The following CSMD1 variants were observed in gnomAD, a reference collection of about 807,000 sequenced individuals.
CSMD1 encodes CUB and Sushi multiple domains 1.
A neutral mutation model predicts 417.5 loss-of-function variants in CSMD1; 213 were observed. That is an observed-to-expected ratio of 0.51 (90% CI 0.46 to 0.57). The LOEUF (loss-of-function observed/expected upper bound fraction) is 0.57, where lower values mean the gene tolerates loss of function less well. Among genes scored for constraint, CSMD1 ranks in the 20% least tolerant of loss-of-function variants. The probability of loss-of-function intolerance (pLI) is 0.00; values close to 1 mark genes in which losing one functional copy is unlikely to be tolerated. For synonymous variants in CSMD1, 2,862 were observed against 1,736.8 expected, an observed-to-expected ratio of 1.65 and a Z score of -16.11; for missense variants, 6,923 against 4,529.7, an observed-to-expected ratio of 1.53 and a Z score of -15.17.
At chr8:4,736,790 T>C (rs1168236782) in intron 1 of CSMD1, among the ~76,000 whole-genome samples, 1 of 152,202 alleles carries the variant, frequency 6.6e-6, no homozygotes, top group East Asian at 1.9e-4. Context: ...AACACTTTTG[T>C]ATAAACAAGT....
intron 5 of CSMD1, among the ~76,000 whole-genome samples, chr8:3,830,231 A>C (rs1424833404): frequency 1.3e-5 from 2 of 152,206 alleles, no homozygotes; most frequent in African/African-American, 4.8e-5. Context: ...AAATTTCTAA[A>C]GGTGATCATA....
In CSMD1 at chr8:3,622,287, T is replaced by C. The variant is rs1378099539; in HGVS notation, c.1010-5490A>G. Among the ~76,000 whole-genome samples the C allele has an allele frequency of 5.9e-5, 9 of 152,354 alleles. No homozygotes were observed. In the East Asian group the frequency reaches 1.7e-3, roughly 29 times the overall value. Reference sequence around the variant, plus strand: ...ACCTCAAGCAAAATCATTATTGCTGTGGCAAATTAAAACAGCTTCATCAAG... The same window carrying C: ...ACCTCAAGCAAAATCATTATTGCTGCGGCAAATTAAAACAGCTTCATCAAG... On this transcript the variant is annotated intron_variant, in intron 7 of 69. Transcript: ENST00000635120.
intron 12 of CSMD1, among the ~76,000 whole-genome samples, chr8:3,467,646 G>A (rs930409840): frequency 1.3e-4 from 20 of 152,066 alleles, no homozygotes; most frequent in Non-Finnish European, 2.1e-4. Context: ...AGGATACTCC[G>A]GGGTGGGCCC....
intron 49 of CSMD1, among the ~76,000 whole-genome samples, chr8:3,058,684 G>T (rs1027512059): frequency 3.3e-5 from 5 of 151,944 alleles, no homozygotes; most frequent in African/African-American, 1.2e-4. Flanking sequence ...AAGTACATCT[G>T]GGGGAGGGGG....
chr8:3,064,237 G>C (rs1263794654), intron 49 of CSMD1, among the ~76,000 whole-genome samples: 2 of 152,184 alleles, frequency 1.3e-5, no homozygotes, highest in African/African-American at 2.4e-5. Flanking sequence ...ATTTGGATTT[G>C]TGTACCTGCC....
chr8:4,491,587 A>G (rs1243787841), intron 2 of CSMD1, among the ~76,000 whole-genome samples: 1 of 152,220 alleles, frequency 6.6e-6, no homozygotes, highest in East Asian at 1.9e-4. Context: ...AAAGGTCTGA[A>G]CAGACACCTC....
At chr8:3,635,338 G>C (rs1254889275) in intron 7 of CSMD1, among the ~76,000 whole-genome samples, 2 of 152,142 alleles carry the variant, frequency 1.3e-5, no homozygotes, top group South Asian at 2.1e-4. Context: ...GCCAGGCAAA[G>C]TGGTGCACAC....
chr8:4,463,703 C>T (rs1799979902), intron 2 of CSMD1, among the ~76,000 whole-genome samples: 1 of 152,086 alleles, frequency 6.6e-6, no homozygotes, highest in South Asian at 2.1e-4. Flanking sequence ...TAGGCCAATC[C>T]CTAGAGACGA....
chr8:3,553,964 G>C (rs1799029298), intron 10 of CSMD1, among the ~76,000 whole-genome samples: 1 of 152,116 alleles, frequency 6.6e-6, no homozygotes, highest in Non-Finnish European at 1.5e-5. Flanking sequence ...TTGTACATTA[G>C]GTGATGGAAT....
intron 1 of CSMD1, among the ~76,000 whole-genome samples, chr8:4,668,145 C>A (rs1185623525): frequency 6.6e-6 from 1 of 152,070 alleles, no homozygotes; most frequent in African/African-American, 2.4e-5. Flanking sequence ...AATGAGTTTT[C>A]TGAAGTTTAA....
chr8:4,842,294 C>A (rs759852055), intron 1 of CSMD1, among the ~76,000 whole-genome samples: 47 of 152,166 alleles, frequency 3.1e-4, no homozygotes, highest in Non-Finnish European at 5.7e-4. Flanking sequence ...GAATTTTGGC[C>A]TTCCATTGGA....
chr8:4,448,951 C>T (rs575957743), intron 2 of CSMD1, among the ~76,000 whole-genome samples: 29 of 152,238 alleles, frequency 1.9e-4, no homozygotes, highest in African/African-American at 7.0e-4. Flanking sequence ...ACCAGTGTAC[C>T]TGTTTCTCTT....
intron 5 of CSMD1, among the ~76,000 whole-genome samples, chr8:3,868,210 G>GAA (rs200916748): frequency 7.1e-6 from 1 of 141,702 alleles, no homozygotes; most frequent in African/African-American, 2.9e-5. Flanking sequence ...TGCGCCTGTA[G>GAA]AAAAAACCCA....
rs1563183307 is a variant in CSMD1, at chr8:4,446,757, G to GTGTGTGTGTGTGTGTGTGTGTC, written c.303-26693_303-26692insGACACACACACACACACACACA. Among the ~76,000 whole-genome samples the GTGTGTGTGTGTGTGTGTGTGTC allele has an allele frequency of 7.2e-3, 190 of 26,272 alleles. 1 individual carries two copies. Among genetic ancestry groups the GTGTGTGTGTGTGTGTGTGTGTC allele is most frequent in the African/African-American group, 0.023 (176 of 7,548 alleles). 17.2% of individuals were successfully genotyped at this position (26,272 alleles called of 152,430 possible). On this transcript the variant is annotated intron_variant, in intron 2 of 69. Coordinates refer to ENST00000635120, the MANE Select transcript of CSMD1 (RefSeq NM_033225.6). ...TCTGTGTGTGTGTGTGTGTGTGTCTGTGTGTGTGTGTGTGTGTGTGTGTGT... is the reference window on the plus strand; with the variant it reads ...TCTGTGTGTGTGTGTGTGTGTGTCTGTGTGTGTGTGTGTGTGTGTGTCTGTGTGTGTGTGTGTGTGTGTGTGT...
intron 18 of CSMD1, among the ~76,000 whole-genome samples, chr8:3,374,464 G>A (rs1396436887): frequency 1.3e-5 from 2 of 152,152 alleles, no homozygotes; most frequent in African/African-American, 4.8e-5. Flanking sequence ...AAATAACTTG[G>A]TTTTAAAACT....
At chr8:4,529,064 G>T (rs73182921) in intron 2 of CSMD1, among the ~76,000 whole-genome samples, 9,653 of 152,142 alleles carry the variant, frequency 0.063, 344 homozygotes, top group Middle Eastern at 0.095. Flanking sequence ...ATGATGATCT[G>T]AAAAGTTGAT....
At chr8:4,221,486 G>A (rs1234495309) in intron 3 of CSMD1, among the ~76,000 whole-genome samples, 4 of 152,204 alleles carry the variant, frequency 2.6e-5, no homozygotes, top group Admixed American at 6.5e-5. Flanking sequence ...AAATTTAAAT[G>A]GGTAATTTGG....
At chr8:4,074,820 G>A (rs996295566) in intron 3 of CSMD1, among the ~76,000 whole-genome samples, 2 of 151,848 alleles carry the variant, frequency 1.3e-5, no homozygotes, top group African/African-American at 4.8e-5. Context: ...TTTCCATGAT[G>A]CCTTTTTCTT....
chr8:4,552,456 A>G (rs767976491), intron 2 of CSMD1, among the ~76,000 whole-genome samples: 14 of 152,114 alleles, frequency 9.2e-5, no homozygotes, highest in Non-Finnish European at 1.3e-4. Flanking sequence ...AGGTGTAGAA[A>G]TAGTACCAAG....
Sources: gnomAD v4.1 joint callset for allele counts (sites outside exome capture counted in the v4.1 genomes callset) on GRCh38, gnomAD v4.1.1 for gene constraint, MANE v1.5 for transcripts, NCBI Gene and HGNC (gene_info 2026-07-23, HGNC 2026-07-21) for gene names.